Variants in CRY1 observed in about 807,000 individuals in gnomAD.
The protein encoded by CRY1 is cryptochrome-1.
In CRY1, 45 loss-of-function variants were observed where a neutral mutation model predicts 76.0. That is an observed-to-expected ratio of 0.59 (90% confidence interval 0.47 to 0.76). CRY1 has a LOEUF of 0.76. Among genes scored for constraint, CRY1 ranks in the 30% least tolerant of loss-of-function variants. CRY1 has a pLI of 0.00. For synonymous variants in CRY1, 248 were observed against 244.0 expected, an observed-to-expected ratio of 1.02 and a Z score of -0.15; for missense variants, 587 against 716.4, an observed-to-expected ratio of 0.82 and a Z score of 2.06.
chr12:107,074,329 T>G (rs1056732437), intron 1 of CRY1, among the ~76,000 whole-genome samples: 2 of 152,202 alleles, frequency 1.3e-5, no homozygotes, highest in African/African-American at 2.4e-5. Context: ...ATTAAGTCAT[T>G]CTATTACAGC....
chr12:107,090,019 T>C (rs572545955), intron 1 of CRY1, among the ~76,000 whole-genome samples: 4 of 152,342 alleles, frequency 2.6e-5, no homozygotes, highest in African/African-American at 9.6e-5. Flanking sequence ...AGTTCTCCTC[T>C]TGACCTATCG....
At chr12:107,008,728 T>C (rs1434578919) in intron 2 of CRY1, among the ~76,000 whole-genome samples, 1 of 152,198 alleles carries the variant, frequency 6.6e-6, no homozygotes, top group Non-Finnish European at 1.5e-5. Flanking sequence ...GCAGCTCCCA[T>C]AATCCCCACA....
intron 1 of CRY1, among the ~76,000 whole-genome samples, chr12:107,060,553 T>G (rs1409239724): frequency 4.6e-5 from 7 of 152,226 alleles, no homozygotes; most frequent in Non-Finnish European, 8.8e-5. Context: ...AAGATAGTAT[T>G]ATCTCCATTT....
intron 1 of CRY1, among the ~76,000 whole-genome samples, chr12:107,034,134 A>C (rs183363699): frequency 1.3e-5 from 2 of 152,022 alleles, no homozygotes; most frequent in East Asian, 3.9e-4. Flanking sequence ...GCAGTAAAGA[A>C]GGTAGCCAAA....
At chr12:107,089,035 GT>G (rs374849831) in intron 1 of CRY1, among the ~76,000 whole-genome samples, 27 of 152,248 alleles carry the variant, frequency 1.8e-4, no homozygotes, top group African/African-American at 6.0e-4. Context: ...CGTTTAGTTT[GT>G]TTTTAAGGTT....
chr12:107,083,857 G>A (rs1333697424), intron 1 of CRY1, among the ~76,000 whole-genome samples: 3 of 152,152 alleles, frequency 2.0e-5, no homozygotes, highest in Non-Finnish European at 4.4e-5. Flanking sequence ...TCAGGCAAGA[G>A]AAAGAAATAA....
intron 1 of CRY1, among the ~76,000 whole-genome samples, chr12:107,047,592 T>C (rs1305628237): frequency 6.6e-6 from 1 of 152,170 alleles, no homozygotes; most frequent in Admixed American, 6.5e-5. Flanking sequence ...TATAAGAAGC[T>C]TCCCCCTTTG....
chr12:107,093,313 CA>C lies in CRY1; in HGVS notation c.-353del, dbSNP rs1292142165. The C allele has an allele frequency of 4.3e-6, 1 of 232,854 alleles. No homozygotes were observed. Among genetic ancestry groups the C allele is most frequent in the Admixed American group, 5.2e-5 (1 of 19,396 alleles). The allele number at this position is 232,854 out of a possible 1,614,324, so 14.4% of individuals were successfully genotyped here. A position where few individuals can be genotyped will look rare whatever the true frequency, so the allele number is the denominator to read the frequency against. On this transcript the variant is annotated 5_prime_UTR_variant, in exon 1 of 13. Coordinates refer to ENST00000008527, the MANE Select transcript of CRY1 (RefSeq NM_004075.5). ...GAGCCGCCACGACGGCCCGAGCCGG[CA>C]CGGACGGCCCCAGGAGATTCGTCAC...
chr12:107,025,806 A>C (rs1486709420), intron 1 of CRY1, among the ~76,000 whole-genome samples: 1 of 151,644 alleles, frequency 6.6e-6, no homozygotes, highest in Non-Finnish European at 1.5e-5. Context: ...ACAACAAATC[A>C]TTTTGCTTGG....
intron 1 of CRY1, among the ~76,000 whole-genome samples, chr12:107,081,947 A>G (rs2136900115): frequency 1.3e-5 from 2 of 152,150 alleles, no homozygotes; most frequent in South Asian, 4.1e-4. Context: ...TCATGGGGAC[A>G]GACAAACACA....
At chr12:106,995,587 CA>C (rs1337574682) in intron 10 of CRY1, among the ~76,000 whole-genome samples, 1 of 152,102 alleles carries the variant, frequency 6.6e-6, no homozygotes, top group African/African-American at 2.4e-5. Flanking sequence ...GACATTGATA[CA>C]AAGTGTTTGT....
At chr12:107,065,520 T>C (rs1331662246) in intron 1 of CRY1, among the ~76,000 whole-genome samples, 1 of 150,882 alleles carries the variant, frequency 6.6e-6, no homozygotes, top group Non-Finnish European at 1.5e-5. Context: ...ACTTGAACAC[T>C]GGAGGTTGAG....
chr12:107,006,850 C>A (rs998060748), intron 2 of CRY1, among the ~76,000 whole-genome samples: 17 of 152,052 alleles, frequency 1.1e-4, no homozygotes, highest in African/African-American at 3.6e-4. Flanking sequence ...AGGCATTTTG[C>A]CATTTTGGCC....
intron 1 of CRY1, among the ~76,000 whole-genome samples, chr12:107,071,304 T>C (rs912026427): frequency 5.3e-5 from 8 of 152,186 alleles, no homozygotes; most frequent in Non-Finnish European, 7.4e-5. Context: ...GGAATAAATA[T>C]TGAACTTTAT....
chr12:107,067,889 C>T (rs2136889246), intron 1 of CRY1, among the ~76,000 whole-genome samples: 1 of 152,296 alleles, frequency 6.6e-6, no homozygotes, highest in Admixed American at 6.5e-5. Context: ...CCTAACTATT[C>T]CATAAGAACA....
At chr12:107,078,765 C>A (rs979139342) in intron 1 of CRY1, among the ~76,000 whole-genome samples, 1 of 152,104 alleles carries the variant, frequency 6.6e-6, no homozygotes, top group African/African-American at 2.4e-5. Context: ...TTCTGTGTTT[C>A]CTAACTTAAT....
chr12:107,041,345 C>G (rs987956332), intron 1 of CRY1, among the ~76,000 whole-genome samples: 1 of 152,132 alleles, frequency 6.6e-6, no homozygotes, highest in African/African-American at 2.4e-5. Context: ...AGCAATTATA[C>G]TAGGGAAGAT....
chr12:107,045,298 GA>G (rs1952837165), intron 1 of CRY1, among the ~76,000 whole-genome samples: 1 of 152,102 alleles, frequency 6.6e-6, no homozygotes. Flanking sequence ...AAACAAGGGA[GA>G]AATAAAATCT....
At chr12:106,999,274 C>T (rs141540039) in intron 7 of CRY1, among the ~76,000 whole-genome samples, 1 of 152,204 alleles carries the variant, frequency 6.6e-6, no homozygotes, top group East Asian at 1.9e-4. Flanking sequence ...TATCTATCAA[C>T]AAATTCAGTG....
Sources: gnomAD v4.1 joint callset for allele counts (sites outside exome capture counted in the v4.1 genomes callset) on GRCh38, gnomAD v4.1.1 for gene constraint, MANE v1.5 for transcripts, NCBI Gene and HGNC (gene_info 2026-07-23, HGNC 2026-07-21) for gene names.